ERCC6L2: variants seen among roughly 807,000 people sequenced by gnomAD.
The protein encoded by ERCC6L2 is DNA excision repair protein ERCC-6-like 2.
In ERCC6L2, 77 loss-of-function variants were observed where a neutral mutation model predicts 132.0. The ratio of observed to expected loss-of-function variants is 0.58; its 90% CI spans 0.49 to 0.71. The LOEUF is 0.71. ERCC6L2 is among the 30% of genes least tolerant of loss of function. The pLI, the probability that ERCC6L2 is intolerant of heterozygous loss-of-function variation, is 0.00. For synonymous variants in ERCC6L2, 583 were observed against 632.4 expected (o/e 0.92, Z 1.17); for missense variants, 1,542 against 1,837.6 (o/e 0.84, Z 2.94).
intron 12 of ERCC6L2, among the ~76,000 whole-genome samples, chr9:95,945,503 G>A (rs1210063158): frequency 6.6e-6 from 1 of 152,194 alleles, no homozygotes; most frequent in African/African-American, 2.4e-5. Context: ...AGAGATTAAA[G>A]TAAAACAGGC....
intron 19 of ERCC6L2, among the ~76,000 whole-genome samples, chr9:96,033,808 A>G (rs567820355): frequency 1.3e-5 from 2 of 152,194 alleles, no homozygotes; most frequent in African/African-American, 4.8e-5. Context: ...ACTCGATTCA[A>G]ATCCAGATGC....
intron 11 of ERCC6L2, among the ~76,000 whole-genome samples, chr9:95,936,516 C>A (rs966531911): frequency 6.6e-6 from 1 of 152,134 alleles, no homozygotes; most frequent in Non-Finnish European, 1.5e-5. Flanking sequence ...AGAATCCATT[C>A]TGTGTTAAGG....
At chr9:96,008,875 C>A (rs1178710300) in intron 18 of ERCC6L2, among the ~76,000 whole-genome samples, 2 of 152,198 alleles carry the variant, frequency 1.3e-5, no homozygotes, top group Non-Finnish European at 2.9e-5. Flanking sequence ...AGCACTGAAT[C>A]TTTTGTTTAT....
intron 18 of ERCC6L2, among the ~76,000 whole-genome samples, chr9:96,009,537 A>G (rs770062174): frequency 9.2e-5 from 14 of 152,212 alleles, no homozygotes; most frequent in Non-Finnish European, 1.8e-4. Context: ...TCCATGATAC[A>G]TAACTGCTTT....
At chr9:95,944,160 G>A (rs1157906243) in intron 12 of ERCC6L2, among the ~76,000 whole-genome samples, 1 of 152,098 alleles carries the variant, frequency 6.6e-6, no homozygotes, top group African/African-American at 2.4e-5. Context: ...ACAAAATACA[G>A]TTTATACATA....
intron 11 of ERCC6L2, among the ~76,000 whole-genome samples, chr9:95,930,956 G>A (rs755915344): frequency 5.3e-5 from 8 of 152,122 alleles, no homozygotes; most frequent in Non-Finnish European, 1.0e-4. Context: ...CCCTGTACCA[G>A]TAACCGGTTA....
intron 4 of ERCC6L2, among the ~76,000 whole-genome samples, chr9:95,911,819 A>G (rs1221676546): frequency 1.3e-5 from 2 of 152,176 alleles, no homozygotes; most frequent in Non-Finnish European, 2.9e-5. Flanking sequence ...AACATGATAA[A>G]AGGCTTTTAG....
At chr9:95,977,734 C>T in intron 16 of ERCC6L2, among the ~76,000 whole-genome samples, 1 of 144,128 alleles carries the variant, frequency 6.9e-6, no homozygotes, top group South Asian at 2.2e-4. Flanking sequence ...TAGTGAACAT[C>T]TTTTTTTTTT....
chr9:95,955,945 A>C lies in ERCC6L2; in HGVS notation c.1879A>C (p.Lys627Gln), dbSNP rs1310524080. ...AYRIGQCRDV[K>Q]VLRLISLGTV... ...TAGGATTGGACAATGTAGAGATGTC[A>C]AAGTGCTTAGGCTGATATCCTTGGG... Residue 627 changes from lysine to glutamine, a missense_variant, in exon 13 of 19, where the codon AAA (lysine) becomes CAA (glutamine). Lys to Gln is a moderately conservative substitution (Grantham distance 53). Around this residue, in one of 4 missense-constraint regions of ERCC6L2, gnomAD observed 945 missense variants for 1,105.2 expected, o/e 0.86. Coordinates refer to ENST00000653738, the MANE Select transcript of ERCC6L2 (RefSeq NM_020207.7). 1.2e-6 allele frequency: 2 copies of C among 1,606,364 alleles called. No homozygotes were observed. The highest frequency in any genetic ancestry group is 8.5e-7 in the Non-Finnish European group (1 of 1,176,410).
intron 12 of ERCC6L2, among the ~76,000 whole-genome samples, chr9:95,951,766 A>G (rs1385606132): frequency 1.3e-5 from 2 of 152,150 alleles, no homozygotes; most frequent in Non-Finnish European, 2.9e-5. Flanking sequence ...AAACCTGAAT[A>G]TAACTATAAC....
intron 20 of ERCC6L2, among the ~76,000 whole-genome samples, chr9:96,039,613 A>T (rs1391269235): frequency 6.6e-6 from 1 of 151,768 alleles, no homozygotes; most frequent in Non-Finnish European, 1.5e-5. Context: ...CTTACGGGGG[A>T]GTGGTGGGGA....
At chr9:95,915,851 A>G (rs1829559273) in intron 5 of ERCC6L2, 22 bp downstream of exon 5, 3 of 1,569,508 alleles carry the variant, frequency 1.9e-6, no homozygotes, top group Non-Finnish European at 2.6e-6. Flanking sequence ...CACTTTTTAA[A>G]AAATTGTTTA....
intron 19 of ERCC6L2, among the ~76,000 whole-genome samples, chr9:96,027,305 T>C (rs1230060202): frequency 1.3e-5 from 2 of 151,960 alleles, no homozygotes; most frequent in African/African-American, 2.4e-5. Context: ...GGAGACGGAG[T>C]GACCGGCAGG....
downstream of ERCC6L2, chr9:96,021,216 G>A (rs978224680): frequency 2.0e-5 from 7 of 350,806 alleles, no homozygotes; most frequent in Non-Finnish European, 3.9e-5. The surrounding 1 kb of genome is among the most constrained non-coding windows in gnomAD (Gnocchi z 4.7). Context: ...CACCCGCGGC[G>A]GGGCCCACAA....
chr9:96,024,718 T>C (rs1834339021), intron 19 of ERCC6L2, among the ~76,000 whole-genome samples: 1 of 152,142 alleles, frequency 6.6e-6, no homozygotes. Flanking sequence ...CCCTTCTGAG[T>C]TTCAGGTGCA....
chr9:96,006,934 T>C (rs549238772), intron 18 of ERCC6L2, among the ~76,000 whole-genome samples: 2 of 152,280 alleles, frequency 1.3e-5, no homozygotes, highest in Admixed American at 6.5e-5. Context: ...AGGAAAATCA[T>C]CTGTCCAGTA....
At position 96,012,296 on chromosome 9, in the gene ERCC6L2, A is replaced by G; in HGVS notation, c.3746A>G (p.Asn1249Ser). The G allele has an allele frequency of 1.5e-6, 2 of 1,351,980 alleles. No homozygotes were observed. Among genetic ancestry groups the G allele is most frequent in the Non-Finnish European group, 2.0e-6 (2 of 1,010,818 alleles). The allele number at this position is 1,351,980 out of a possible 1,614,324, so 83.7% of individuals were successfully genotyped here. Residue 1249 changes from asparagine (N) to serine (S), a missense_variant, in exon 19 of 19, where the codon AAT (asparagine) becomes AGT (serine). Asn to Ser is a conservative substitution (Grantham distance 46). Around this residue, in one of 4 missense-constraint regions of ERCC6L2, gnomAD observed 442 missense variants for 583.4 expected, o/e 0.76. Coordinates refer to ENST00000653738, the MANE Select transcript of ERCC6L2 (RefSeq NM_020207.7). ...AACGAATTTGCTAAACATATAACCA[A>G]TGCCACATCAGAAGAACGACAGAAA... ...SVNEFAKHIT[N>S]ATSEERQKML...
At chr9:95,970,468 AT>A in intron 14 of ERCC6L2, 107 bp from the exon 15 acceptor site, 1 of 443,150 alleles carries the variant, frequency 2.3e-6, no homozygotes, top group Non-Finnish European at 3.5e-6. Context: ...GCTGCATGCA[AT>A]TTTTCTTTCT....
At chr9:95,948,149 A>G (rs1437905328) in intron 12 of ERCC6L2, among the ~76,000 whole-genome samples, 1 of 152,226 alleles carries the variant, frequency 6.6e-6, no homozygotes, top group Non-Finnish European at 1.5e-5. Context: ...AGGATTCACT[A>G]TTCTAGATAC....
Sources: gnomAD v4.1 joint callset for allele counts (sites outside exome capture counted in the v4.1 genomes callset) on GRCh38, gnomAD v4.1.1 for gene constraint, gnomAD v4.1.1 regional missense constraint, Gnocchi (gnomAD v3.1) non-coding constraint, MANE v1.5 for transcripts, NCBI Gene and HGNC (gene_info 2026-07-23, HGNC 2026-07-21) for gene names.